Variants in RGS17 observed in about 807,000 individuals in gnomAD.
The protein encoded by RGS17 is regulator of G-protein signaling 17.
A neutral mutation model predicts 25.5 loss-of-function variants in RGS17; 12 were observed. That is an observed-to-expected ratio of 0.47 (90% CI 0.30 to 0.76). The LOEUF is 0.76. Ranked by LOEUF, RGS17 falls within the 30% of genes least tolerant of loss-of-function variation. The pLI, the probability that RGS17 is intolerant of heterozygous loss-of-function variation, is 0.07. For missense variants in RGS17, 196 were observed against 242.2 expected (o/e 0.81, Z 1.27); for synonymous variants, 71 against 76.9 (o/e 0.92, Z 0.40).
At chr6:153,044,385 A>C (rs180761300) in intron 1 of RGS17, among the ~76,000 whole-genome samples, 8 of 152,256 alleles carry the variant, frequency 5.3e-5, no homozygotes, top group Admixed American at 5.2e-4. Flanking sequence ...TTTTTTATGG[A>C]CACCATTCGG....
At chr6:153,079,044 G>T (rs1009105584) in intron 1 of RGS17, among the ~76,000 whole-genome samples, 2 of 151,538 alleles carry the variant, frequency 1.3e-5, no homozygotes, top group African/African-American at 4.9e-5. Flanking sequence ...TATTACACTG[G>T]TTAGAGTATC....
chr6:153,071,000 CAT>C (rs1009012460), intron 1 of RGS17, among the ~76,000 whole-genome samples: 4 of 149,798 alleles, frequency 2.7e-5, no homozygotes, highest in Admixed American at 2.7e-4. Flanking sequence ...TATATATGTA[CAT>C]GTGTATATGC....
intron 1 of RGS17, among the ~76,000 whole-genome samples, chr6:153,099,866 C>T (rs1777273238): frequency 6.6e-6 from 1 of 152,136 alleles, no homozygotes; most frequent in Non-Finnish European, 1.5e-5. Context: ...GCACCTGGCA[C>T]CCAGTCCCTC....
At chr6:153,094,014 G>A (rs1777170263) in intron 1 of RGS17, among the ~76,000 whole-genome samples, 1 of 151,900 alleles carries the variant, frequency 6.6e-6, no homozygotes, top group Admixed American at 6.6e-5. Context: ...TGTAATATCT[G>A]GTATCATCAA....
At chr6:153,100,758 T>C (rs969356590) in intron 1 of RGS17, among the ~76,000 whole-genome samples, 4 of 152,178 alleles carry the variant, frequency 2.6e-5, no homozygotes, top group Non-Finnish European at 4.4e-5. Flanking sequence ...GGCTTAAAGC[T>C]TTCCCCAGAC....
Position 153,020,442 on chromosome 6 carries a change from C to T in RGS17, c.444+3820G>A, listed in dbSNP as rs541978052. Among the ~76,000 whole-genome samples the T allele has an allele frequency of 2.0e-4, 30 of 151,736 alleles. No homozygotes were observed. In the South Asian group the frequency reaches 5.4e-3, roughly 27 times the overall value. ...TGCTGGGATTACAGGTGTGAGCCAC[C>T]GCGCCCGGTGATATCTCTTATTTTA... On this transcript the variant is annotated intron_variant, in intron 4 of 4. Coordinates refer to ENST00000206262, the MANE Select transcript of RGS17 (RefSeq NM_012419.5).
chr6:153,019,397 A>C (rs1476681089), intron 4 of RGS17, among the ~76,000 whole-genome samples: 1 of 152,108 alleles, frequency 6.6e-6, no homozygotes, highest in Non-Finnish European at 1.5e-5. Context: ...CTCTAAGTAG[A>C]TTTTTTATTC....
intron 1 of RGS17, among the ~76,000 whole-genome samples, chr6:153,100,269 T>G (rs1421167448): frequency 6.6e-6 from 1 of 152,206 alleles, no homozygotes; most frequent in Non-Finnish European, 1.5e-5. Context: ...ATATATTTTT[T>G]GTAAGAGGCA....
At chr6:153,026,039 T>C (rs931066369) in intron 3 of RGS17, among the ~76,000 whole-genome samples, 1 of 152,126 alleles carries the variant, frequency 6.6e-6, no homozygotes, top group Non-Finnish European at 1.5e-5. Context: ...GAGTCTGCTC[T>C]GGTAGAAAAG....
rs1366595116 is a variant in RGS17 at position 153,060,980 on chromosome 6, A to G, written c.-25-16937T>C. 3.9e-5 allele frequency among the ~76,000 whole-genome samples: 6 copies of G among 152,204 alleles called. No individual in the cohort carries two copies. The East Asian group carries it at 7.7e-4, about 20-fold the overall frequency. ...TAAATGTATGTTAAATGAGTGAAAA[A>G]AGGAGAATGAGAAGGCATCTTTCTA... On this transcript the variant is annotated intron_variant, in intron 1 of 4. Transcript: ENST00000206262.
At chr6:153,049,480 G>T (rs1193294431) in intron 1 of RGS17, among the ~76,000 whole-genome samples, 3 of 152,132 alleles carry the variant, frequency 2.0e-5, no homozygotes, top group Non-Finnish European at 4.4e-5. Flanking sequence ...GGCCGGGCAT[G>T]GTGGCTCACA....
At chr6:153,024,554 A>G in intron 3 of RGS17, 58 bp from the exon 4 acceptor site, 1 of 1,264,106 alleles carries the variant, frequency 7.9e-7, no homozygotes, top group South Asian at 1.2e-5. Flanking sequence ...TGAATGCTAG[A>G]CCAGGTAAGG....
intron 1 of RGS17, among the ~76,000 whole-genome samples, chr6:153,129,551 A>G (rs1264785568): frequency 1.3e-5 from 2 of 152,220 alleles, no homozygotes; most frequent in Non-Finnish European, 2.9e-5. Flanking sequence ...CACGTCTTCA[A>G]TTAAATGATT....
intron 1 of RGS17, among the ~76,000 whole-genome samples, chr6:153,056,691 G>C (rs982218154): frequency 6.6e-6 from 1 of 152,124 alleles, no homozygotes; most frequent in South Asian, 2.1e-4. Context: ...ATACAGCTGG[G>C]AGTGAGATGA....
intron 1 of RGS17, among the ~76,000 whole-genome samples, chr6:153,120,048 T>C (rs541768045): frequency 8.5e-5 from 13 of 152,220 alleles, no homozygotes; most frequent in African/African-American, 1.4e-4. Context: ...TCACCACCTA[T>C]ATTCTTGACC....
At chr6:153,016,191 G>A (rs1157310824) in intron 4 of RGS17, among the ~76,000 whole-genome samples, 1 of 152,162 alleles carries the variant, frequency 6.6e-6, no homozygotes, top group Non-Finnish European at 1.5e-5. Flanking sequence ...TCACTATCAA[G>A]TACAAAGTAA....
At chr6:153,057,538 G>A (rs1047590235) in intron 1 of RGS17, among the ~76,000 whole-genome samples, 7 of 152,052 alleles carry the variant, frequency 4.6e-5, no homozygotes, top group Non-Finnish European at 8.8e-5. Context: ...TTACTCCAGC[G>A]GTCCCCAACT....
chr6:153,014,537 G>A (rs1018776208), intron 4 of RGS17, among the ~76,000 whole-genome samples: 5 of 152,076 alleles, frequency 3.3e-5, no homozygotes, highest in East Asian at 1.9e-4. Flanking sequence ...GGTGGCTCAC[G>A]CCTGTAATCC....
chr6:153,026,631 G>A, intron 2 of RGS17, 88 bp from the exon 3 acceptor site: 1 of 947,148 alleles, frequency 1.1e-6, no homozygotes, highest in East Asian at 2.5e-5. Flanking sequence ...ACATTTCACA[G>A]GAGATCTTAT....
Sources: gnomAD v4.1 joint callset for allele counts (sites outside exome capture counted in the v4.1 genomes callset) on GRCh38, gnomAD v4.1.1 for gene constraint, MANE v1.5 for transcripts, NCBI Gene and HGNC (gene_info 2026-07-23, HGNC 2026-07-21) for gene names.